The following MYO9A variants were observed in gnomAD, a reference collection of about 807,000 sequenced individuals.
MYO9A encodes myosin IXA.
A neutral mutation model predicts 293.3 loss-of-function variants in MYO9A; 103 were observed. That is an observed-to-expected ratio of 0.35 (90% CI 0.30 to 0.41). The LOEUF is 0.41. MYO9A is among the 10% of genes least tolerant of loss of function. The pLI, the probability that MYO9A is intolerant of heterozygous loss-of-function variation, is 1.00. For missense variants in MYO9A, 2,685 were observed against 3,033.0 expected, an observed-to-expected ratio of 0.89 and a Z score of 2.69; for synonymous variants, 1,001 against 1,035.7, an observed-to-expected ratio of 0.97 and a Z score of 0.64.
chr15:72,064,458 A>T (rs2078962864), intron 1 of MYO9A, among the ~76,000 whole-genome samples: 1 of 152,212 alleles, frequency 6.6e-6, no homozygotes, highest in African/African-American at 2.4e-5. Context: ...ATGTATCCAT[A>T]AAAATTAAAG....
intron 1 of MYO9A, among the ~76,000 whole-genome samples, chr15:72,085,653 C>T (rs551795041): frequency 6.6e-6 from 1 of 152,298 alleles, no homozygotes; most frequent in East Asian, 1.9e-4. Context: ...AGTTCAGAAA[C>T]CTTGCTGGAA....
chr15:72,090,274 T>C (rs1045795260), intron 1 of MYO9A, among the ~76,000 whole-genome samples: 4 of 152,218 alleles, frequency 2.6e-5, no homozygotes, highest in Admixed American at 6.5e-5. Context: ...ATTTCTATAA[T>C]ATACTAACTT....
At chr15:72,030,104 C>T (rs1596417988) in intron 3 of MYO9A, among the ~76,000 whole-genome samples, 1 of 152,278 alleles carries the variant, frequency 6.6e-6, no homozygotes, top group East Asian at 1.9e-4. Flanking sequence ...CTTTGAAAAT[C>T]CATTGCCACT....
chr15:71,940,378 C>T (rs1209613914), intron 15 of MYO9A, among the ~76,000 whole-genome samples: 1 of 151,826 alleles, frequency 6.6e-6, no homozygotes, highest in Non-Finnish European at 1.5e-5. Context: ...ACCTATAGTC[C>T]CAGCTTGAGA....
At chr15:71,979,067 A>G (rs938472836) in intron 11 of MYO9A, among the ~76,000 whole-genome samples, 9 of 152,172 alleles carry the variant, frequency 5.9e-5, no homozygotes, top group Non-Finnish European at 8.8e-5. Flanking sequence ...ATTCACTTAC[A>G]GTACTTGCAG....
intron 14 of MYO9A, among the ~76,000 whole-genome samples, chr15:71,955,411 G>A (rs1249377998): frequency 6.6e-6 from 1 of 152,214 alleles, no homozygotes; most frequent in African/African-American, 2.4e-5. Flanking sequence ...TTACAGGCGT[G>A]AGCCACTGGG....
intron 14 of MYO9A, among the ~76,000 whole-genome samples, chr15:71,954,557 C>T (rs1423325683): frequency 6.6e-6 from 1 of 152,236 alleles, no homozygotes; most frequent in Non-Finnish European, 1.5e-5. Flanking sequence ...ATGCTAGTTG[C>T]TGGACTGGTT....
In MYO9A at chr15:72,046,385, C is replaced by T; in HGVS notation, c.179G>A (p.Cys60Tyr). The T allele has an allele frequency of 1.9e-6, 3 of 1,614,152 alleles. No individual in the cohort carries two copies. The highest frequency in any genetic ancestry group is 1.1e-5 in the South Asian group (1 of 91,078). Residue 60 changes from cysteine to tyrosine, a missense_variant, in exon 2 of 42, where the codon TGT (cysteine) becomes TAT (tyrosine). Cys to Tyr is a radical substitution (Grantham distance 194). Around this residue, in one of 10 missense-constraint regions of MYO9A, gnomAD observed 22 missense variants for 47.2 expected, o/e 0.47. Coordinates refer to ENST00000356056, the MANE Select transcript of MYO9A (RefSeq NM_006901.4). ...TTCCTTTACCTCTGCTAGAACATAA[C>T]ATTTTGTTTTGTCAAGATGAAGTTT... Reference protein sequence around the residue: ...INKLHLDKTKCYVLAEVKEFG... With the variant: ...INKLHLDKTKYYVLAEVKEFG...
chr15:71,956,350 T>TATATATATATAAAAAA (rs1475961500), intron 14 of MYO9A, among the ~76,000 whole-genome samples: 1 of 121,178 alleles, frequency 8.3e-6, no homozygotes, highest in African/African-American at 3.3e-5. Context: ...TATATATATA[T>TATATATATATAAAAAA]AAAATACGCC....
chr15:71,830,059 G>A, intron 40 of MYO9A, 50 bp downstream of exon 40: 1 of 1,566,416 alleles, frequency 6.4e-7, no homozygotes, highest in Non-Finnish European at 8.7e-7. Context: ...TAGAAGGAAG[G>A]AAACAAAAAC....
chr15:71,970,720 A>G (rs911804799), intron 12 of MYO9A, among the ~76,000 whole-genome samples: 1 of 152,232 alleles, frequency 6.6e-6, no homozygotes, highest in Non-Finnish European at 1.5e-5. Context: ...TAATTATAAT[A>G]ATAGGAAATT....
At chr15:72,075,761 CA>C (rs981797778) in intron 1 of MYO9A, among the ~76,000 whole-genome samples, 2 of 150,936 alleles carry the variant, frequency 1.3e-5, no homozygotes, top group Non-Finnish European at 3.0e-5. Flanking sequence ...CCCATCTCTA[CA>C]AAAAAAATTT....
chr15:72,003,776 CAT>C (rs2148779371), intron 8 of MYO9A, among the ~76,000 whole-genome samples: 1 of 149,422 alleles, frequency 6.7e-6, no homozygotes, highest in South Asian at 2.1e-4. Flanking sequence ...TTTAGAAAAA[CAT>C]AGATCATCCA....
At chr15:72,041,158 T>C (rs533631277) in intron 2 of MYO9A, 9 of 877,790 alleles carry the variant, frequency 1.0e-5, no homozygotes, top group African/African-American at 6.7e-5. Context: ...GGTGGGAGAA[T>C]TGCTTAAGCC....
At chr15:72,074,950 CCTTT>C (rs2079300642) in intron 1 of MYO9A, among the ~76,000 whole-genome samples, 1 of 71,664 alleles carries the variant, frequency 1.4e-5, no homozygotes, top group African/African-American at 5.0e-5. Flanking sequence ...ATTTTCACTG[CCTTT>C]TTTTTTTTTT....
intron 4 of MYO9A, among the ~76,000 whole-genome samples, chr15:72,026,134 G>A (rs867490181): frequency 6.6e-6 from 1 of 151,662 alleles, no homozygotes; most frequent in South Asian, 2.1e-4. Flanking sequence ...TTAGCCAGGC[G>A]TGATGGCAGG....
intron 17 of MYO9A, among the ~76,000 whole-genome samples, chr15:71,934,601 CTT>C (rs775166166): frequency 1.4e-5 from 2 of 142,950 alleles, no homozygotes; most frequent in Admixed American, 7.0e-5. Flanking sequence ...ACTTTTTTTC[CTT>C]TTTTTTTTTT....
intron 3 of MYO9A, among the ~76,000 whole-genome samples, chr15:72,029,904 T>C (rs1040495843): frequency 2.0e-5 from 3 of 152,144 alleles, no homozygotes; most frequent in Admixed American, 1.3e-4. Context: ...TTAAGCTGTA[T>C]TTCTCCCAGT....
At chr15:72,027,461 C>T (rs1899411892) in intron 4 of MYO9A, among the ~76,000 whole-genome samples, 1 of 152,036 alleles carries the variant, frequency 6.6e-6, no homozygotes, top group Admixed American at 6.6e-5. Flanking sequence ...AGCAAAGTCC[C>T]AAGGCACATT....
Sources: allele counts gnomAD v4.1 joint callset (sites outside exome capture counted in the v4.1 genomes callset), GRCh38; gene constraint gnomAD v4.1.1; regional missense constraint gnomAD v4.1.1; transcripts MANE v1.5; gene names NCBI Gene and HGNC (gene_info 2026-07-23, HGNC 2026-07-21).